Variants in STK39 observed in about 807,000 individuals in gnomAD.
STK39 encodes STE20/SPS1-related proline-alanine-rich protein kinase.
In STK39, 20 loss-of-function variants were observed where a neutral mutation model predicts 77.8. The observed-to-expected ratio is 0.26, with a 90% CI of 0.18 to 0.37. STK39 has a LOEUF of 0.37. STK39 is among the 10% of genes least tolerant of loss of function. The pLI, the probability that STK39 is intolerant of heterozygous loss-of-function variation, is 1.00. For missense variants in STK39, 479 were observed against 656.5 expected, an observed-to-expected ratio of 0.73 and a Z score of 2.95; for synonymous variants, 246 against 234.1, an observed-to-expected ratio of 1.05 and a Z score of -0.47.
intron 14 of STK39, among the ~76,000 whole-genome samples, chr2:168,020,212 TA>T (rs1684536433): frequency 6.6e-6 from 1 of 152,216 alleles, no homozygotes; most frequent in South Asian, 2.1e-4. Flanking sequence ...AAAAATTTAT[TA>T]ATTTGAAAAT....
At chr2:168,008,248 T>C (rs1222904738) in intron 16 of STK39, among the ~76,000 whole-genome samples, 1 of 152,168 alleles carries the variant, frequency 6.6e-6, no homozygotes, top group Non-Finnish European at 1.5e-5. Flanking sequence ...AAGGGATGAA[T>C]ACAAGAACTC....
At chr2:167,990,078 C>T (rs1683661720) in intron 16 of STK39, among the ~76,000 whole-genome samples, 1 of 151,934 alleles carries the variant, frequency 6.6e-6, no homozygotes, top group Non-Finnish European at 1.5e-5. Flanking sequence ...CTTCCTGACT[C>T]AACAGATAAT....
At chr2:167,956,702 T>TCACACACACACACA (rs1392202471) in intron 17 of STK39, among the ~76,000 whole-genome samples, 1 of 75,828 alleles carries the variant, frequency 1.3e-5, no homozygotes, top group Non-Finnish European at 2.4e-5. Flanking sequence ...ACACACTCTC[T>TCACACACACACACA]CTCTCTCTCT....
At chr2:167,957,387 A>G (rs1691816428) in intron 17 of STK39, among the ~76,000 whole-genome samples, 1 of 152,214 alleles carries the variant, frequency 6.6e-6, no homozygotes, top group Admixed American at 6.5e-5. Flanking sequence ...CACTTTCAAC[A>G]AAGTAGTACA....
intron 16 of STK39, among the ~76,000 whole-genome samples, chr2:168,007,174 A>G (rs1319569083): frequency 6.6e-6 from 1 of 152,236 alleles, no homozygotes; most frequent in Non-Finnish European, 1.5e-5. Context: ...CATGTAAGAA[A>G]TCATTCAAAC....
intron 10 of STK39, among the ~76,000 whole-genome samples, chr2:168,111,695 T>C (rs1687124927): frequency 6.6e-6 from 1 of 152,172 alleles, no homozygotes; most frequent in Non-Finnish European, 1.5e-5. Flanking sequence ...ATACAGCAAT[T>C]TTCTCCTTAT....
intron 8 of STK39, among the ~76,000 whole-genome samples, chr2:168,133,307 C>G (rs909881032): frequency 6.6e-6 from 1 of 152,206 alleles, no homozygotes; most frequent in Middle Eastern, 3.2e-3. Flanking sequence ...GCACTCCACT[C>G]CACTCTCAGC....
intron 2 of STK39, among the ~76,000 whole-genome samples, chr2:168,177,519 ATAAAG>A (rs890957877): frequency 2.6e-5 from 4 of 152,226 alleles, no homozygotes; most frequent in Non-Finnish European, 4.4e-5. Context: ...CAATCCCTGA[ATAAAG>A]TAGAGTAACC....
chr2:167,957,865 G>T (rs1022868418), intron 17 of STK39, among the ~76,000 whole-genome samples: 1 of 152,178 alleles, frequency 6.6e-6, no homozygotes, highest in South Asian at 2.1e-4. Context: ...AGTGGTTACG[G>T]TGAGAACATC....
At chr2:168,135,061 T>C (rs1397774762) in intron 8 of STK39, among the ~76,000 whole-genome samples, 1 of 152,218 alleles carries the variant, frequency 6.6e-6, no homozygotes, top group African/African-American at 2.4e-5. Flanking sequence ...GAAATGGTAC[T>C]GAGTATATAA....
intron 16 of STK39, among the ~76,000 whole-genome samples, 185 bp downstream of exon 16, chr2:168,012,449 A>G (rs567523879): frequency 2.0e-5 from 3 of 152,332 alleles, no homozygotes; most frequent in African/African-American, 7.2e-5. Flanking sequence ...CTGGGATTAT[A>G]GGCATGAGTC....
chr2:168,013,273 G>T (rs1574391282), intron 15 of STK39, among the ~76,000 whole-genome samples: 1 of 152,296 alleles, frequency 6.6e-6, no homozygotes, highest in South Asian at 2.1e-4. Context: ...GAAAAATGTG[G>T]TTGAATAAAA....
chr2:168,031,435 A>G (rs549445275), intron 14 of STK39, among the ~76,000 whole-genome samples: 1 of 152,182 alleles, frequency 6.6e-6, no homozygotes, highest in Non-Finnish European at 1.5e-5. Flanking sequence ...AGTGGCCCTG[A>G]GAAGTGGCCA....
At chr2:168,224,054 CT>C in intron 1 of STK39, among the ~76,000 whole-genome samples, 1 of 151,912 alleles carries the variant, frequency 6.6e-6, no homozygotes, top group African/African-American at 2.4e-5. Context: ...TCTTTTGCCT[CT>C]GTAAACATAA....
intron 14 of STK39, among the ~76,000 whole-genome samples, chr2:168,053,492 T>C (rs1682250911): frequency 6.6e-6 from 1 of 152,210 alleles, no homozygotes; most frequent in African/African-American, 2.4e-5. Context: ...ATGATGTTAT[T>C]TCTTTAATTT....
At chr2:167,988,420 G>A (rs1683614733) in intron 16 of STK39, among the ~76,000 whole-genome samples, 1 of 151,952 alleles carries the variant, frequency 6.6e-6, no homozygotes, top group African/African-American at 2.4e-5. Context: ...AGACAACTGG[G>A]GCTAATGCTT....
At chr2:167,987,484 CAA>C (rs201050038) in intron 16 of STK39, among the ~76,000 whole-genome samples, 1 of 149,988 alleles carries the variant, frequency 6.7e-6, no homozygotes, top group Admixed American at 6.6e-5. Flanking sequence ...AATGCTGGGA[CAA>C]AAATATATAT....
At chr2:168,012,389 C>T (rs1684291628) in intron 16 of STK39, among the ~76,000 whole-genome samples, 1 of 152,010 alleles carries the variant, frequency 6.6e-6, no homozygotes, top group Non-Finnish European at 1.5e-5. Flanking sequence ...GCCATGCTGG[C>T]CTCTAACTCC....
chr2:168,221,329 T>C (rs1215814227), intron 1 of STK39, among the ~76,000 whole-genome samples: 1 of 152,210 alleles, frequency 6.6e-6, no homozygotes, highest in African/African-American at 2.4e-5. Flanking sequence ...TAGAACATTA[T>C]GTTAATACAT....
Sources: gnomAD v4.1 joint callset for allele counts (sites outside exome capture counted in the v4.1 genomes callset) on GRCh38, gnomAD v4.1.1 for gene constraint, MANE v1.5 for transcripts, NCBI Gene and HGNC (gene_info 2026-07-23, HGNC 2026-07-21) for gene names.